MGAT4D: variants seen among roughly 807,000 people sequenced by gnomAD.
MGAT4D encodes MGAT4 family member D.
Under a neutral mutation model 15.9 loss-of-function variants are expected in MGAT4D, and 34 were observed. The ratio of observed to expected loss-of-function variants is 2.14; its 90% CI spans 1.62 to 2.84. MGAT4D has a LOEUF of 2.84. Among genes scored for constraint, MGAT4D ranks in the 30% most tolerant of loss-of-function variants. The probability of loss-of-function intolerance (pLI) is 0.00; values close to 1 mark genes in which losing one functional copy is unlikely to be tolerated. For synonymous variants in MGAT4D, 112 were observed against 48.2 expected, an observed-to-expected ratio of 2.33 and a Z score of -5.49; for missense variants, 327 against 140.2, an observed-to-expected ratio of 2.33 and a Z score of -6.73.
chr4:140,446,743 G>GTTTTTTTTTTTTTTT (rs149442061), intron 10 of MGAT4D, among the ~76,000 whole-genome samples: 2 of 8,170 alleles, frequency 2.4e-4, no homozygotes, highest in Non-Finnish European at 4.5e-4. Flanking sequence ...TGCTTCTCTA[G>GTTTTTTTTTTTTTTT]TTTTTTTTTT....
intron 2 of MGAT4D, among the ~76,000 whole-genome samples, chr4:140,481,584 T>C (rs1732735238): frequency 6.6e-6 from 1 of 152,200 alleles, no homozygotes; most frequent in African/African-American, 2.4e-5. Flanking sequence ...GGTGAGAGGA[T>C]AAACAATATG....
chr4:140,447,189 G>C (rs1730190609), intron 10 of MGAT4D, among the ~76,000 whole-genome samples: 1 of 151,980 alleles, frequency 6.6e-6, no homozygotes, highest in African/African-American at 2.4e-5. Context: ...ATCTTGTTTT[G>C]GGGCAGAGAG....
chr4:140,455,683 T>C (rs1289213471), intron 9 of MGAT4D, among the ~76,000 whole-genome samples: 1 of 152,224 alleles, frequency 6.6e-6, no homozygotes, highest in Admixed American at 6.5e-5. Flanking sequence ...ACTGTAATTG[T>C]AGATCGGTCT....
At chr4:140,479,103 C>T (rs1445679741) in intron 3 of MGAT4D, among the ~76,000 whole-genome samples, 1 of 152,174 alleles carries the variant, frequency 6.6e-6, no homozygotes, top group Admixed American at 6.5e-5. Context: ...TTACCTCAAA[C>T]ATCACCTGTT....
At chr4:140,456,222 TATA>T (rs1448945105) in intron 9 of MGAT4D, among the ~76,000 whole-genome samples, 5 of 152,244 alleles carry the variant, frequency 3.3e-5, no homozygotes, top group Admixed American at 6.5e-5. Flanking sequence ...TTAACCTATC[TATA>T]ATATTTGAAC....
chr4:140,451,563 C>A, intron 9 of MGAT4D, 46 bp from the exon 10 acceptor site: 1 of 489,706 alleles, frequency 2.0e-6, no homozygotes, highest in Non-Finnish European at 3.7e-6. Flanking sequence ...CCAGGTATTG[C>A]TTTGTATTGC....
intron 7 of MGAT4D, 51 bp downstream of exon 7, chr4:140,461,878 T>TATAC: frequency 1.9e-6 from 1 of 516,118 alleles, no homozygotes; most frequent in South Asian, 2.7e-5. Flanking sequence ...ATAATTGGTG[T>TATAC]ATACACACAC....
intron 4 of MGAT4D, among the ~76,000 whole-genome samples, chr4:140,474,134 G>A (rs1469099963): frequency 1.3e-5 from 2 of 152,068 alleles, no homozygotes; most frequent in Non-Finnish European, 2.9e-5. Context: ...AAAGTCTTAT[G>A]GTGCTAATAT....
At chr4:140,458,542 A>G (rs1460078747) in intron 8 of MGAT4D, 1 of 152,232 alleles carries the variant, frequency 6.6e-6, no homozygotes, top group Non-Finnish European at 1.5e-5. Flanking sequence ...TTTTATATGC[A>G]TGATCTCTAT....
chr4:140,470,705 CT>C (rs1560782830), intron 5 of MGAT4D, among the ~76,000 whole-genome samples: 1 of 152,144 alleles, frequency 6.6e-6, no homozygotes, highest in African/African-American at 2.4e-5. Flanking sequence ...CATTTTCCCC[CT>C]GTCTGCCTGA....
At chr4:140,460,436 G>C (rs1731098931) in intron 7 of MGAT4D, among the ~76,000 whole-genome samples, 1 of 152,150 alleles carries the variant, frequency 6.6e-6, no homozygotes. Context: ...TCTTTTATAA[G>C]GGCACGAATC....
chr4:140,465,917 C>T (rs1227680477), intron 5 of MGAT4D, among the ~76,000 whole-genome samples: 1 of 152,164 alleles, frequency 6.6e-6, no homozygotes, highest in East Asian at 1.9e-4. Context: ...AAAGTACAAA[C>T]TTCACTGCTA....
intron 2 of MGAT4D, among the ~76,000 whole-genome samples, chr4:140,481,085 C>T (rs1050326779): frequency 2.0e-5 from 3 of 151,208 alleles, no homozygotes; most frequent in Admixed American, 6.6e-5. Context: ...AGGTGGGAGG[C>T]TTGCTTGAGG....
At chr4:140,446,287 C>G (rs1220805236) in intron 10 of MGAT4D, among the ~76,000 whole-genome samples, 1 of 152,078 alleles carries the variant, frequency 6.6e-6, no homozygotes, top group African/African-American at 2.4e-5. Flanking sequence ...GGCTGTGAAT[C>G]TGTCTGGTCC....
Position 140,471,774 on chromosome 4 carries a change from C to CT in MGAT4D, c.572dup (p.Phe192IlefsTer31), listed in dbSNP as rs1731978952. On this transcript the variant is annotated frameshift_variant and splice_region_variant. Transcript: ENST00000511113. LOFTEE classifies it high-confidence loss of function. Reference sequence around the variant, plus strand: ...GTAAAAATATATCAGACAGTACTTACTTTTTTGTAATCATTTTAACAACAG... The same window carrying CT: ...GTAAAAATATATCAGACAGTACTTACTTTTTTTGTAATCATTTTAACAACAG... 2 of 483,010 alleles carry CT rather than the reference C, an allele frequency of 4.1e-6. No individual in the cohort carries two copies. The highest frequency in any genetic ancestry group is 7.5e-6 in the Non-Finnish European group (2 of 266,854). The allele number at this position is 483,010 out of a possible 1,614,324, so 29.9% of individuals were successfully genotyped here.
At chr4:140,450,514 C>T (rs1319067815) in intron 10 of MGAT4D, among the ~76,000 whole-genome samples, 2 of 152,112 alleles carry the variant, frequency 1.3e-5, no homozygotes, top group African/African-American at 2.4e-5. Context: ...TATTGGATTC[C>T]ACCTTGCTTG....
intron 6 of MGAT4D, 134 bp downstream of exon 6, chr4:140,464,762 T>C (rs1731419036): frequency 1.3e-5 from 8 of 605,322 alleles, no homozygotes; most frequent in Admixed American, 2.8e-5. Flanking sequence ...ATGCACATAG[T>C]TGGGTCTTGC....
At chr4:140,486,948 C>T (rs1435027287) in intron 1 of MGAT4D, among the ~76,000 whole-genome samples, 1 of 152,130 alleles carries the variant, frequency 6.6e-6, no homozygotes. Flanking sequence ...TTGTGTGTTC[C>T]GAGTTAATAT....
chr4:140,456,738 T>A lies in MGAT4D; in HGVS notation c.878-19A>T, dbSNP rs1181412309. 1.3e-5 allele frequency: 8 copies of A among 639,336 alleles called. No homozygotes were observed. In the Admixed American group the frequency reaches 2.1e-4, roughly 17 times the overall value. 39.6% of individuals were successfully genotyped at this position (639,336 alleles called of 1,614,324 possible). ...AGCTTTCCTATGGAAAAAAATACAA[T>A]TAGATGCAAATAATTCATATGTAGT... On this transcript the variant is annotated intron_variant, in intron 8 of 10. Coordinates refer to ENST00000511113, the MANE Select transcript of MGAT4D (RefSeq NM_001277353.2).
Sources: allele counts gnomAD v4.1 joint callset (sites outside exome capture counted in the v4.1 genomes callset), GRCh38; gene constraint gnomAD v4.1.1; transcripts MANE v1.5; gene names NCBI Gene and HGNC (gene_info 2026-07-23, HGNC 2026-07-21).